STK10: variants seen among roughly 807,000 people sequenced by gnomAD.
STK10 encodes serine/threonine kinase 10, also known as serine/threonine-protein kinase 10.
STK10 carries 78 observed loss-of-function variants against 113.8 expected under a neutral mutation model. That is an observed-to-expected ratio of 0.69 (90% CI 0.57 to 0.83). STK10 has a LOEUF of 0.83. Among genes scored for constraint, STK10 ranks in the 40% least tolerant of loss-of-function variants. The pLI is 0.00. For missense variants in STK10, 1,109 were observed against 1,280.1 expected, an observed-to-expected ratio of 0.87 and a Z score of 2.04; for synonymous variants, 465 against 494.7, an observed-to-expected ratio of 0.94 and a Z score of 0.80.
intron 3 of STK10, 24 bp downstream of exon 3, chr5:172,127,349 T>C: frequency 1.2e-6 from 2 of 1,613,476 alleles, no homozygotes; most frequent in East Asian, 2.2e-5. Context: ...GTCCCGACAA[T>C]GCACCGAATC....
At chr5:172,155,001 T>C (rs1344903975) in intron 2 of STK10, among the ~76,000 whole-genome samples, 1 of 151,146 alleles carries the variant, frequency 6.6e-6, no homozygotes, top group Admixed American at 6.7e-5. Context: ...CCAGCCACAA[T>C]CAATAACAGG....
intron 7 of STK10, among the ~76,000 whole-genome samples, chr5:172,096,891 C>T (rs371213737): frequency 1.3e-5 from 2 of 152,338 alleles, no homozygotes; most frequent in Admixed American, 6.5e-5. Context: ...CTTGAAAATG[C>T]TTAGCCCAAA....
chr5:172,081,351 CAAAAA>C (rs58173076), intron 12 of STK10, among the ~76,000 whole-genome samples: 6 of 68,612 alleles, frequency 8.7e-5, no homozygotes, highest in African/African-American at 2.2e-4. Flanking sequence ...ACTCCATCTC[CAAAAA>C]AAAAAAAAAA....
intron 3 of STK10, among the ~76,000 whole-genome samples, chr5:172,122,955 T>C (rs890789145): frequency 2.6e-5 from 4 of 152,190 alleles, no homozygotes; most frequent in African/African-American, 4.8e-5. Context: ...CAGCAAGGCA[T>C]GGCCAACCAT....
intron 2 of STK10, among the ~76,000 whole-genome samples, chr5:172,151,828 GCAGA>G (rs1770240293): frequency 6.6e-6 from 1 of 152,206 alleles, no homozygotes; most frequent in African/African-American, 2.4e-5. Context: ...AGCATGTGCT[GCAGA>G]CAGTCTAGCC....
At chr5:172,170,731 G>T (rs181713248) in intron 1 of STK10, among the ~76,000 whole-genome samples, 55 of 152,362 alleles carry the variant, frequency 3.6e-4, no homozygotes, top group Non-Finnish European at 6.8e-4. Flanking sequence ...GGCTGGGGAT[G>T]TGGGAGCCCT....
intron 1 of STK10, among the ~76,000 whole-genome samples, chr5:172,167,315 C>T (rs1199522179): frequency 2.6e-5 from 4 of 151,744 alleles, no homozygotes; most frequent in Admixed American, 6.6e-5. Context: ...AAATGATAAA[C>T]AAGAAGATAA....
intron 1 of STK10, among the ~76,000 whole-genome samples, chr5:172,161,277 C>G (rs1425486042): frequency 6.6e-6 from 1 of 152,020 alleles, no homozygotes; most frequent in Non-Finnish European, 1.5e-5. Flanking sequence ...AATGGTGAAA[C>G]CTCGTCTCTA....
chr5:172,106,308 G>A (rs912005559), intron 6 of STK10, among the ~76,000 whole-genome samples: 1 of 149,646 alleles, frequency 6.7e-6, no homozygotes, highest in Non-Finnish European at 1.5e-5. Context: ...AGGCTGAGGT[G>A]TGAGGATCTC....
chr5:172,052,478 G>C (rs72835301), intron 18 of STK10, among the ~76,000 whole-genome samples: 30,939 of 152,210 alleles, frequency 0.2, 3,508 homozygotes, highest in East Asian at 0.33. Flanking sequence ...ATCACTAGGA[G>C]AGAGTAAACG....
chr5:172,066,136 G>A (rs1002042619), intron 12 of STK10, among the ~76,000 whole-genome samples: 3 of 152,148 alleles, frequency 2.0e-5, no homozygotes, highest in African/African-American at 7.2e-5. Context: ...ATCAAAAAGA[G>A]AGCATTCCAG....
intron 1 of STK10, among the ~76,000 whole-genome samples, chr5:172,161,646 G>C (rs1770474279): frequency 6.6e-6 from 1 of 152,166 alleles, no homozygotes; most frequent in Non-Finnish European, 1.5e-5. Context: ...ATATGTTGGA[G>C]TGGACCCTTG....
intron 18 of STK10, among the ~76,000 whole-genome samples, chr5:172,051,875 C>T (rs1009438447): frequency 8.5e-5 from 13 of 152,166 alleles, no homozygotes; most frequent in African/African-American, 2.9e-4. Context: ...AGGAATTTCT[C>T]AGTGGGTGGA....
At chr5:172,061,828 T>C (rs1767943757) in intron 13 of STK10, among the ~76,000 whole-genome samples, 2 of 152,176 alleles carry the variant, frequency 1.3e-5, no homozygotes, top group South Asian at 4.1e-4. Context: ...TCTGTGATGT[T>C]TGACAGGTAA....
chr5:172,064,387 G>A (rs554013942), intron 13 of STK10: 4 of 316,594 alleles, frequency 1.3e-5, no homozygotes, highest in Non-Finnish European at 2.4e-5. Flanking sequence ...ATGCCAAGTG[G>A]GCAGGGGAAT....
chr5:172,149,514 G>C (rs894413404), intron 2 of STK10, among the ~76,000 whole-genome samples: 4 of 148,906 alleles, frequency 2.7e-5, no homozygotes, highest in East Asian at 2.0e-4. Flanking sequence ...GTGTGTGTGT[G>C]TGTGTGTCTG....
In STK10 at chr5:172,082,327, T is replaced by A; in HGVS notation, c.1988A>T (p.Glu663Val). Residue 663 changes from glutamate to valine, a missense_variant and splice_region_variant, in exon 12 of 19, where the codon GAG becomes GTG. By Grantham distance (121) the Glu-to-Val change is moderately radical (BLOSUM62 -2). Around this residue, in one of 5 missense-constraint regions of STK10, gnomAD observed 885 missense variants for 991.1 expected, o/e 0.89. Transcript: ENST00000176763. The surrounding 1 kb of genome is among the most constrained non-coding windows in gnomAD (Gnocchi z 4.3). ...FQEQLKLMKK[E>V]VKNEVEKLPR... is the part of the protein sequence containing the mutation. Reference sequence around the variant, plus strand: ...TGCCCCCACTGAGCACATACTCACCTCTTTCTTCATCAGTTTGAGCTGCTC... The same window carrying A: ...TGCCCCCACTGAGCACATACTCACCACTTTCTTCATCAGTTTGAGCTGCTC... 3 of 1,552,444 alleles carry A rather than the reference T, an allele frequency of 1.9e-6. No homozygotes were observed. Among genetic ancestry groups the A allele is most frequent in the Non-Finnish European group, 2.6e-6 (3 of 1,151,124 alleles).
intron 12 of STK10, among the ~76,000 whole-genome samples, chr5:172,077,976 G>A (rs1428887921): frequency 2.7e-5 from 4 of 145,542 alleles, no homozygotes; most frequent in Non-Finnish European, 6.0e-5. Flanking sequence ...GTAGTTCAGA[G>A]GCTGCTCACC....
chr5:172,146,070 G>A (rs1294176939), intron 2 of STK10, among the ~76,000 whole-genome samples: 1 of 151,440 alleles, frequency 6.6e-6, no homozygotes, highest in African/African-American at 2.5e-5. Context: ...ACCAACTCAC[G>A]TCACCAACTC....
Sources: gnomAD v4.1 joint callset for allele counts (sites outside exome capture counted in the v4.1 genomes callset) on GRCh38, gnomAD v4.1.1 for gene constraint, gnomAD v4.1.1 regional missense constraint, Gnocchi (gnomAD v3.1) non-coding constraint, MANE v1.5 for transcripts, NCBI Gene and HGNC (gene_info 2026-07-23, HGNC 2026-07-21) for gene names.